The following ZBTB20 variants were observed in gnomAD, a reference collection of about 807,000 sequenced individuals.
ZBTB20 encodes the protein zinc finger and BTB domain containing 20.
ZBTB20 carries 9 observed loss-of-function variants against 56.9 expected under a neutral mutation model. The ratio of observed to expected loss-of-function variants is 0.16; its 90% confidence interval spans 0.10 to 0.28. ZBTB20 has a LOEUF of 0.28. Ranked by LOEUF, ZBTB20 falls within the 10% of genes least tolerant of loss-of-function variation. ZBTB20 has a pLI of 1.00. For synonymous variants in ZBTB20, 417 were observed against 420.7 expected (o/e 0.99, Z 0.11); for missense variants, 655 against 1,003.0 (o/e 0.65, Z 4.69).
rs537678536 is a variant in ZBTB20, at chr3:114,900,556, C to T, written c.-455-214G>A. The T allele has an allele frequency of 6.6e-5, 10 of 151,214 alleles. No homozygotes were observed. The East Asian group carries it at 1.9e-3, about 29-fold the overall frequency. 9.4% of individuals were successfully genotyped at this position (151,214 alleles called of 1,614,324 possible). On this transcript the variant is annotated intron_variant, in intron 3 of 11. Coordinates refer to ENST00000675478, the MANE Select transcript of ZBTB20 (RefSeq NM_001348800.3). ...ACACACACACACACACACAGAGTCC[C>T]TTAGCAGTGTATCATAAGCACTAGC...
chr3:114,972,917 T>C (rs1425014440), intron 3 of ZBTB20, among the ~76,000 whole-genome samples: 1 of 152,024 alleles, frequency 6.6e-6, no homozygotes, highest in East Asian at 1.9e-4. Context: ...TATGGTAACT[T>C]AAACTCATAA....
At position 114,326,987 on chromosome 3, in the gene ZBTB20, G is replaced by A. The variant is rs773864298; in HGVS notation, c.*12018C>T. ...GCAGAGGGAGAGGGGAGCAAAGCAA[G>A]CTTTTCCTGGAGAAAAGAAGAAAAA... On this transcript the variant is annotated 3_prime_UTR_variant, in exon 12 of 12. Transcript: ENST00000675478. The A allele has an allele frequency of 6.6e-6, 1 of 152,164 alleles. No homozygotes were observed. Among genetic ancestry groups the A allele is most frequent in the South Asian group, 2.1e-4 (1 of 4,814 alleles). 9.4% of individuals were successfully genotyped at this position (152,164 alleles called of 1,614,324 possible).
At chr3:114,993,520 AAG>A (rs879345773) in intron 2 of ZBTB20, among the ~76,000 whole-genome samples, 16 of 151,916 alleles carry the variant, frequency 1.1e-4, no homozygotes, top group Non-Finnish European at 1.9e-4. Context: ...ATGATCTAAA[AAG>A]AGGTGTTAAC....
intron 7 of ZBTB20, among the ~76,000 whole-genome samples, chr3:114,411,830 G>C (rs1337807691): frequency 5.9e-5 from 9 of 152,146 alleles, no homozygotes; most frequent in Admixed American, 5.9e-4. Flanking sequence ...TTTTAATATG[G>C]AAAGTTTACA....
chr3:115,020,064 T>C (rs991034500), intron 2 of ZBTB20, among the ~76,000 whole-genome samples: 1 of 151,162 alleles, frequency 6.6e-6, no homozygotes, highest in Non-Finnish European at 1.5e-5. Flanking sequence ...CTCTTTCCTC[T>C]AAGAGTGGAA....
At chr3:114,396,178 T>C (rs1192564825) in intron 7 of ZBTB20, among the ~76,000 whole-genome samples, 1 of 152,218 alleles carries the variant, frequency 6.6e-6, no homozygotes, top group Non-Finnish European at 1.5e-5. Context: ...AATTCTAACA[T>C]GAGCATGATT....
At chr3:114,904,181 TC>T (rs1443307203) in intron 3 of ZBTB20, 2 of 152,310 alleles carry the variant, frequency 1.3e-5, no homozygotes, top group East Asian at 3.9e-4. Flanking sequence ...AGCTGTGTTC[TC>T]CAGTGGGATA....
intron 6 of ZBTB20, among the ~76,000 whole-genome samples, chr3:114,557,117 C>A (rs1299506071): frequency 2.0e-5 from 3 of 151,922 alleles, no homozygotes; most frequent in Admixed American, 2.0e-4. Context: ...AGATTAACAA[C>A]CAGTTTTATT....
chr3:114,837,554 G>T (rs905920978), intron 4 of ZBTB20, among the ~76,000 whole-genome samples: 8 of 152,152 alleles, frequency 5.3e-5, no homozygotes, highest in African/African-American at 1.9e-4. Context: ...TGCCATGTGG[G>T]GGTCTTCACA....
chr3:114,800,642 C>T (rs562504874), intron 5 of ZBTB20, among the ~76,000 whole-genome samples: 5 of 151,988 alleles, frequency 3.3e-5, no homozygotes, highest in South Asian at 2.1e-4. Context: ...AACTTTCTTT[C>T]TCTCCATTTC....
intron 7 of ZBTB20, among the ~76,000 whole-genome samples, chr3:114,477,895 TTTC>T (rs939580883): frequency 5.3e-5 from 8 of 151,018 alleles, no homozygotes; most frequent in African/African-American, 1.9e-4. Context: ...TCTTTCTTTC[TTTC>T]TTTCTTCTTT....
intron 7 of ZBTB20, among the ~76,000 whole-genome samples, chr3:114,402,197 C>T (rs1330364027): frequency 3.3e-5 from 5 of 152,098 alleles, no homozygotes; most frequent in African/African-American, 1.2e-4. Context: ...CTTTGAGGAC[C>T]AGCACCTGGC....
At chr3:114,539,093 T>G (rs2048814168) in intron 6 of ZBTB20, among the ~76,000 whole-genome samples, 1 of 152,150 alleles carries the variant, frequency 6.6e-6, no homozygotes, top group Admixed American at 6.6e-5. Flanking sequence ...ATCCTCCTTC[T>G]TTTTCATCCT....
At chr3:114,538,594 C>T (rs2048749104) in intron 6 of ZBTB20, among the ~76,000 whole-genome samples, 1 of 152,096 alleles carries the variant, frequency 6.6e-6, no homozygotes, top group African/African-American at 2.4e-5. Flanking sequence ...AAACTTTATA[C>T]TGAATTGCCA....
rs905246029 is a variant in ZBTB20, at chr3:114,336,810, C to T, written c.*2195G>A. The T allele has an allele frequency of 6.6e-6, 1 of 152,202 alleles. No homozygotes were observed. The highest frequency in any genetic ancestry group is 6.5e-5 in the Admixed American group (1 of 15,282). The allele number at this position is 152,202 out of a possible 1,614,324, so 9.4% of individuals were successfully genotyped here. A position where few individuals can be genotyped will look rare whatever the true frequency, so the allele number is the denominator to read the frequency against. ...TGTAATTTTGAAACTAAAATACGCT[C>T]TCCTTTCTTCTTTTTAAAACTGTAG... On this transcript the variant is annotated 3_prime_UTR_variant, in exon 12 of 12. Coordinates refer to ENST00000675478, the MANE Select transcript of ZBTB20 (RefSeq NM_001348800.3).
intron 6 of ZBTB20, among the ~76,000 whole-genome samples, chr3:114,591,064 C>T (rs1463444316): frequency 6.6e-6 from 1 of 152,146 alleles, no homozygotes; most frequent in Non-Finnish European, 1.5e-5. Flanking sequence ...CTACTATTAG[C>T]GCTCTACCTT....
intron 1 of ZBTB20, among the ~76,000 whole-genome samples, chr3:115,094,370 T>C (rs979993161): frequency 6.6e-6 from 1 of 152,036 alleles, no homozygotes; most frequent in African/African-American, 2.4e-5. Context: ...ATTTGCCTAG[T>C]CTATTTAAAT....
intron 2 of ZBTB20, among the ~76,000 whole-genome samples, chr3:115,027,067 T>C (rs1354041518): frequency 1.3e-5 from 2 of 150,976 alleles, no homozygotes; most frequent in Non-Finnish European, 1.5e-5. Context: ...TGAAATATAA[T>C]TCATTTATTC....
chr3:114,862,197 ATTAAT>A (rs1450853764), intron 4 of ZBTB20, among the ~76,000 whole-genome samples: 1 of 152,204 alleles, frequency 6.6e-6, no homozygotes, highest in Admixed American at 6.5e-5. Flanking sequence ...CTGTGCAAAC[ATTAAT>A]TTACTAAGTT....
Sources: gnomAD v4.1 joint callset for allele counts (sites outside exome capture counted in the v4.1 genomes callset) on GRCh38, gnomAD v4.1.1 for gene constraint, MANE v1.5 for transcripts, NCBI Gene and HGNC (gene_info 2026-07-23, HGNC 2026-07-21) for gene names.